The following MEAK7 variants were observed in gnomAD, a reference collection of about 807,000 sequenced individuals.
The protein encoded by MEAK7 is MTOR-associated protein MEAK7.
MEAK7 carries 68 observed loss-of-function variants against 40.5 expected under a neutral mutation model. That is an observed-to-expected ratio of 1.68 (90% CI 1.38 to 2.06). MEAK7 has a LOEUF of 2.06. MEAK7 is among the 30% of genes most tolerant of loss of function. The pLI, the probability that MEAK7 is intolerant of heterozygous loss-of-function variation, is 0.00. For synonymous variants in MEAK7, 338 were observed against 231.9 expected (o/e 1.46, Z -4.16); for missense variants, 918 against 580.5 (o/e 1.58, Z -5.98).
rs184415650 is a variant in MEAK7 at position 84,494,108 on chromosome 16, T to C, written c.384+1575A>G. 9.8e-5 allele frequency among the ~76,000 whole-genome samples: 15 copies of C among 152,340 alleles called. No individual in the cohort carries two copies. The East Asian group carries it at 2.5e-3, about 25-fold the overall frequency. On this transcript the variant is annotated intron_variant, in intron 3 of 7. Coordinates refer to ENST00000343629, the MANE Select transcript of MEAK7 (RefSeq NM_020947.4). ...TCTCAGACTCCTTAAGGAAAAGTTC[T>C]AGCAAAGATAATTCAAAGAGAGTCA...
intron 1 of MEAK7, 120 bp from the exon 2 acceptor site, chr16:84,498,231 A>T: frequency 1.7e-6 from 2 of 1,201,706 alleles, no homozygotes; most frequent in Middle Eastern, 2.5e-4. Flanking sequence ...TGTAGCTAAA[A>T]CACATCAGAG....
At chr16:84,481,467 C>T (rs11640539) in intron 6 of MEAK7, among the ~76,000 whole-genome samples, 309 of 152,332 alleles carry the variant, frequency 2.0e-3, no homozygotes, top group Non-Finnish European at 3.7e-3. Context: ...TCACTCCTGC[C>T]GCCACCAGAC....
At position 84,479,993 on chromosome 16, in the gene MEAK7, G is replaced by A. The variant is rs1383246472; in HGVS notation, c.1291C>T (p.Pro431Ser). 1.2e-6 allele frequency: 2 copies of A among 1,609,056 alleles called. No individual in the cohort carries two copies. Among genetic ancestry groups the A allele is most frequent in the Admixed American group, 1.7e-5 (1 of 59,792 alleles). The change falls in exon 8 of 8, where the codon CCT (proline) becomes TCT (serine). Residue 431 changes from proline to serine, a missense_variant. By Grantham distance (74) the Pro-to-Ser change is moderately conservative. Transcript: ENST00000343629. ...KGNKSILDAD[P>S]EAQALLEISG... ...ATCTCCAGCAGGGCCTGGGCCTCAG[G>A]GTCCGCATCCAGGATGCTCTTGTTG...
At chr16:84,497,432 A>C in intron 2 of MEAK7, 2 of 1,288,896 alleles carry the variant, frequency 1.6e-6, no homozygotes, top group Non-Finnish European at 2.0e-6. Flanking sequence ...TTCTAGAGGC[A>C]ACGGTGCACC....
In MEAK7 at chr16:84,480,716, G is replaced by A. The variant is rs199933321; in HGVS notation, c.1078-8C>T. Reference sequence around the variant, plus strand: ...GTGCTGCCCCCCCATACCCTGCAAAGGAAGCCAGGACAGAGAATAGCATCA... The same window carrying A: ...GTGCTGCCCCCCCATACCCTGCAAAAGAAGCCAGGACAGAGAATAGCATCA... On this transcript the variant is annotated splice_region_variant and splice_polypyrimidine_tract_variant and intron_variant, in intron 6 of 7. Coordinates refer to ENST00000343629, the MANE Select transcript of MEAK7 (RefSeq NM_020947.4). 3.4e-5 allele frequency: 54 copies of A among 1,607,156 alleles called. No individual in the cohort carries two copies. The Middle Eastern group carries it at 6.6e-4, about 20-fold the overall frequency.
In MEAK7 at chr16:84,495,812, G is replaced by T. The variant is rs531278173; in HGVS notation, c.255C>A (p.Asn85Lys). 2 of 1,614,014 alleles carry T rather than the reference G, an allele frequency of 1.2e-6. No homozygotes were observed. Among genetic ancestry groups the T allele is most frequent in the Admixed American group, 1.7e-5 (1 of 60,012 alleles). ...LTGKAKGPSE[N>K]VSQEQFTASM... ...ATGCTGTGAACTGCTCCTGGGACAC[G>T]TTCTCACTGGGTCCCTTCGCCTTCC... The change falls in exon 3 of 8, where the codon AAC becomes AAA. Residue 85 changes from asparagine (N) to lysine (K), a missense_variant. Asn to Lys is a moderately conservative substitution (Grantham distance 94). Coordinates refer to ENST00000343629, the MANE Select transcript of MEAK7 (RefSeq NM_020947.4).
intron 1 of MEAK7, chr16:84,504,069 G>T: frequency 1.0e-6 from 1 of 985,564 alleles, no homozygotes; most frequent in Non-Finnish European, 1.2e-6. Context: ...GCCTGGGCAA[G>T]AAGTTCCTGT....
chr16:84,490,654 A>ATGTGTG (rs35489449), intron 3 of MEAK7, among the ~76,000 whole-genome samples: 10,220 of 137,354 alleles, frequency 0.074, 522 homozygotes, highest in African/African-American at 0.1. Context: ...GCTAATCAAG[A>ATGTGTG]TGTGTGTGTG....
chr16:84,492,711 A>G (rs1417082087), intron 3 of MEAK7, among the ~76,000 whole-genome samples: 2 of 151,988 alleles, frequency 1.3e-5, no homozygotes, highest in African/African-American at 4.8e-5. Context: ...CCTCCCGAGT[A>G]GCTGGGACTA....
chr16:84,479,991 A>C lies in MEAK7; in HGVS notation c.1293T>G (p.Pro431=), dbSNP rs760130263. The change falls in exon 8 of 8, where the codon CCT becomes CCG. Residue 431 remains proline, a synonymous_variant. Transcript: ENST00000343629. ...KGNKSILDAD[P]EAQALLEISG... ...TGATCTCCAGCAGGGCCTGGGCCTC[A>C]GGGTCCGCATCCAGGATGCTCTTGT... The C allele has an allele frequency of 1.9e-6, 3 of 1,609,226 alleles. No individual in the cohort carries two copies. The highest frequency in any genetic ancestry group is 2.5e-6 in the Non-Finnish European group (3 of 1,176,744).
rs387367 is a variant in MEAK7, at chr16:84,484,038, C to G, written c.959-1328G>C. On this transcript the variant is annotated intron_variant, in intron 5 of 7. Transcript: ENST00000343629. The stretch of plus-strand genomic sequence containing the variant: ...AACAGCTGGGTCACACCCGTCTGCA[C>G]TGCCCCCGCCCCGCTCTCCCCGACT... Among the ~76,000 whole-genome samples, 3 of 152,122 alleles carry G rather than the reference C, an allele frequency of 2.0e-5. No homozygotes were observed. The South Asian group carries it at 6.2e-4, about 32-fold the overall frequency.
In MEAK7 at chr16:84,479,859, G is replaced by A. The variant is rs1912357250; in HGVS notation, c.*54C>T. The A allele has an allele frequency of 2.2e-6, 3 of 1,394,082 alleles. No individual in the cohort carries two copies. Among genetic ancestry groups the A allele is most frequent in the Admixed American group, 2.1e-5 (1 of 48,186 alleles). 86.4% of individuals were successfully genotyped at this position (1,394,082 alleles called of 1,614,324 possible). Reference sequence around the variant, plus strand: ...GGAGGGAAGAGGGGCTGCAGGCGTTGCCCTCTACCCAGAGGAATCCAGGTC... The same window carrying A: ...GGAGGGAAGAGGGGCTGCAGGCGTTACCCTCTACCCAGAGGAATCCAGGTC... On this transcript the variant is annotated 3_prime_UTR_variant, in exon 8 of 8. Transcript: ENST00000343629.
intron 2 of MEAK7, among the ~76,000 whole-genome samples, chr16:84,496,583 C>G (rs139070699): frequency 6.6e-6 from 1 of 152,150 alleles, no homozygotes; most frequent in Non-Finnish European, 1.5e-5. Flanking sequence ...CATCGTGAGC[C>G]GTATCAGTAG....
chr16:84,494,677 T>G (rs1038292778), intron 3 of MEAK7: 1 of 363,948 alleles, frequency 2.7e-6, no homozygotes, highest in African/African-American at 2.2e-5. Context: ...CCCCCACTAT[T>G]TTTTCTTCAC....
intron 3 of MEAK7, among the ~76,000 whole-genome samples, chr16:84,491,893 G>A (rs1320064258): frequency 6.6e-6 from 1 of 151,874 alleles, no homozygotes; most frequent in Non-Finnish European, 1.5e-5. Context: ...TTAAATTAAG[G>A]TTATCATATC....
chr16:84,486,723 C>G lies in MEAK7; in HGVS notation c.866G>C (p.Arg289Pro). 1 of 1,613,980 alleles carries G rather than the reference C, an allele frequency of 6.2e-7. No homozygotes were observed. The highest frequency in any genetic ancestry group is 1.1e-5 in the South Asian group (1 of 91,076). Residue 289 changes from arginine to proline, a missense_variant, in exon 5 of 8, where the codon CGG (arginine) becomes CCG (proline). By Grantham distance (103) the Arg-to-Pro change is moderately radical. Coordinates refer to ENST00000343629, the MANE Select transcript of MEAK7 (RefSeq NM_020947.4). ...FSQLCGHITH[R>P]GPCVAVLEDH... ...CTCGAGGACAGCCACACAGGGTCCCCGGTGAGTGATGTGGCCACAGAGCTG... is the reference window on the plus strand; with the variant it reads ...CTCGAGGACAGCCACACAGGGTCCCGGGTGAGTGATGTGGCCACAGAGCTG...
rs1222187920 is a variant in MEAK7 at position 84,479,439 on chromosome 16, CGG to C, written c.*472_*473del. 4.1e-4 allele frequency: 60 copies of C among 146,540 alleles called. No homozygotes were observed. Among genetic ancestry groups the C allele is most frequent in the African/African-American group, 1.5e-3 (58 of 39,122 alleles). 9.1% of individuals were successfully genotyped at this position (146,540 alleles called of 1,614,324 possible). On this transcript the variant is annotated 3_prime_UTR_variant, in exon 8 of 8. Transcript: ENST00000343629. ...TGCCAGCGGAATTCCCTAATGCCAG[CGG>C]AATTCCCTAATGCCAGCGGAATTCC...
intron 5 of MEAK7, among the ~76,000 whole-genome samples, chr16:84,483,666 C>G (rs1912776172): frequency 6.6e-6 from 1 of 152,206 alleles, no homozygotes; most frequent in African/African-American, 2.4e-5. Flanking sequence ...AGAGTGTGGG[C>G]TGACACCGCC....
At chr16:84,485,690 C>T (rs940167129) in intron 5 of MEAK7, among the ~76,000 whole-genome samples, 3 of 134,092 alleles carry the variant, frequency 2.2e-5, no homozygotes, top group East Asian at 2.4e-4. Flanking sequence ...ATCTATCTAT[C>T]TATCTATCTA....
Sources: gnomAD v4.1 joint callset for allele counts (sites outside exome capture counted in the v4.1 genomes callset) on GRCh38, gnomAD v4.1.1 for gene constraint, MANE v1.5 for transcripts, NCBI Gene and HGNC (gene_info 2026-07-23, HGNC 2026-07-21) for gene names.